HS6ST2: variants seen among roughly 807,000 people sequenced by gnomAD.
HS6ST2 encodes the protein heparan-sulfate 6-O-sulfotransferase 2.
Under a neutral mutation model 33.0 loss-of-function variants are expected in HS6ST2, and 17 were observed. The observed-to-expected ratio is 0.52, with a 90% CI of 0.35 to 0.77. The LOEUF is 0.77. Ranked by LOEUF, HS6ST2 falls within the 30% of genes least tolerant of loss-of-function variation. The pLI, the probability that HS6ST2 is intolerant of heterozygous loss-of-function variation, is 0.01. For missense variants in HS6ST2, 519 were observed against 551.7 expected (o/e 0.94, Z 0.59); for synonymous variants, 248 against 237.1 (o/e 1.05, Z -0.42).
At chrX:132,812,449 T>A (rs866888427) in intron 2 of HS6ST2, among the ~76,000 whole-genome samples, 2 of 84,253 alleles carry the variant, frequency 2.4e-5, no homozygotes, top group African/African-American at 8.4e-5. Context: ...AATAATAAAA[T>A]AATAATAATA....
At position 132,899,786 on chromosome X, in the gene HS6ST2, C is replaced by A. The variant is rs1163412458; in HGVS notation, c.947+57022G>T. Among the ~76,000 whole-genome samples the A allele has an allele frequency of 7.2e-5, 8 of 111,553 alleles. No homozygotes were observed. In the East Asian group the frequency reaches 2.2e-3, roughly 31 times the overall value. On this transcript the variant is annotated intron_variant, in intron 2 of 4. Coordinates refer to ENST00000370833, the MANE Select transcript of HS6ST2 (RefSeq NM_001394073.1). ...AGCCAAAAATAAAAGGAAAAAACCA[C>A]ACCATAGCAAATCATTATCTAAGTA...
At chrX:132,696,259 G>C (rs760152428) in intron 3 of HS6ST2, among the ~76,000 whole-genome samples, 1 of 111,778 alleles carries the variant, frequency 8.9e-6, no homozygotes, top group Non-Finnish European at 1.9e-5. Context: ...TGGCCAGTCT[G>C]TCTGTCTCCA....
rs776629860 is a variant in HS6ST2 at position 132,876,109 on chromosome X, G to C, written c.947+80699C>G. ...TTCCAAAATGCAGGTCTATAATCAG[G>C]TGCTGTGACAAATATGTGCTTGCTT... On this transcript the variant is annotated intron_variant, in intron 2 of 4. Transcript: ENST00000370833. Among the ~76,000 whole-genome samples, 13 of 111,802 alleles carry C rather than the reference G, an allele frequency of 1.2e-4. No homozygotes were observed. The East Asian group carries it at 3.7e-3, about 32-fold the overall frequency.
chrX:132,945,300 A>G (rs1285596721), intron 2 of HS6ST2, among the ~76,000 whole-genome samples: 3 of 112,001 alleles, frequency 2.7e-5, no homozygotes, highest in Admixed American at 9.4e-5. Context: ...CAAAACCACA[A>G]TGAGATACCA....
intron 2 of HS6ST2, among the ~76,000 whole-genome samples, chrX:132,821,313 C>T (rs996416522): frequency 5.7e-5 from 6 of 106,027 alleles, no homozygotes; most frequent in Admixed American, 2.0e-4. Flanking sequence ...CCCGGGTTCA[C>T]GCCATTCTCC....
At chrX:132,922,961 G>A (rs1217783857) in intron 2 of HS6ST2, among the ~76,000 whole-genome samples, 2 of 107,446 alleles carry the variant, frequency 1.9e-5, no homozygotes, top group East Asian at 2.9e-4. Context: ...TAGTTGGGAC[G>A]CTGAGACATG....
intron 2 of HS6ST2, among the ~76,000 whole-genome samples, chrX:132,862,195 C>A (rs2065919009): frequency 8.9e-6 from 1 of 112,082 alleles, no homozygotes; most frequent in South Asian, 3.7e-4. Context: ...ACAAGAACAT[C>A]TATTTTCATA....
intron 4 of HS6ST2, among the ~76,000 whole-genome samples, chrX:132,658,094 C>T (rs938512638): frequency 1.3e-4 from 14 of 110,494 alleles, no homozygotes; most frequent in Admixed American, 7.7e-4. Flanking sequence ...GCCAAAACAG[C>T]GAAACTCTTT....
intron 2 of HS6ST2, among the ~76,000 whole-genome samples, chrX:132,815,992 G>A (rs5930579): frequency 0.37 from 40,429 of 110,641 alleles, 5,866 homozygotes; most frequent in African/African-American, 0.51. Context: ...ATTATATGGT[G>A]TATTTATTAT....
intron 2 of HS6ST2, among the ~76,000 whole-genome samples, chrX:132,876,010 T>A (rs2066105754): frequency 9.0e-6 from 1 of 111,385 alleles, no homozygotes; most frequent in South Asian, 3.8e-4. Flanking sequence ...GTCATTTCAA[T>A]GTGGGAGATT....
rs183096521 is a variant in HS6ST2 at position 132,781,400 on chromosome X, G to A, written c.948-72906C>T. On this transcript the variant is annotated intron_variant, in intron 2 of 4. Coordinates refer to ENST00000370833, the MANE Select transcript of HS6ST2 (RefSeq NM_001394073.1). The stretch of plus-strand genomic sequence containing the variant: ...TGAGCTGGGTCTTCAATGATGAGTT[G>A]AAGGCAGGCCGAGATGGTGAGGGGA... Among the ~76,000 whole-genome samples, 19 of 111,595 alleles carry A rather than the reference G, an allele frequency of 1.7e-4. 1 individual carries two copies. Among genetic ancestry groups the A allele is most frequent in the African/African-American group, 6.2e-4 (19 of 30,689 alleles).
intron 2 of HS6ST2, among the ~76,000 whole-genome samples, chrX:132,810,754 C>T (rs1173379949): frequency 8.9e-6 from 1 of 112,099 alleles, no homozygotes; most frequent in Non-Finnish European, 1.9e-5. Flanking sequence ...CCTGCCACAG[C>T]ACAAAAACAA....
At chrX:132,914,417 T>C (rs1471763690) in intron 2 of HS6ST2, among the ~76,000 whole-genome samples, 2 of 112,745 alleles carry the variant, frequency 1.8e-5, no homozygotes, top group Non-Finnish European at 3.7e-5. Context: ...CTCTGAAGCC[T>C]GTCTGTGTGC....
At chrX:132,831,990 G>A (rs893683701) in intron 2 of HS6ST2, among the ~76,000 whole-genome samples, 6 of 111,673 alleles carry the variant, frequency 5.4e-5, no homozygotes, top group Non-Finnish European at 9.4e-5. Flanking sequence ...GCTACAGGTA[G>A]GCCAAAGAAG....
Position 132,958,250 on chromosome X carries a change from C to T in HS6ST2, c.353G>A (p.Gly118Asp). 8.4e-7 allele frequency: 1 copy of T among 1,187,048 alleles called. No individual in the cohort carries two copies. The highest frequency in any genetic ancestry group is 1.1e-6 in the Non-Finnish European group (1 of 888,659). The stretch of plus-strand genomic sequence containing the variant: ...CAGCGAGTGGCCCAGGGCGGCCAGG[C>T]CCCGAGTGAGCAGGGCCCGGCAGAG... ...GSLCRALLTR[G>D]LAALGHSLKH... The change falls in exon 1 of 5, where the codon GGC (glycine) becomes GAC (aspartate). Residue 118 changes from glycine to aspartate, a missense_variant. Coordinates refer to ENST00000370833, the MANE Select transcript of HS6ST2 (RefSeq NM_001394073.1).
intron 2 of HS6ST2, among the ~76,000 whole-genome samples, chrX:132,731,334 G>C (rs1178661634): frequency 2.7e-5 from 3 of 111,418 alleles, no homozygotes; most frequent in African/African-American, 9.8e-5. Flanking sequence ...TGTAATCACT[G>C]ACTGGGTCCA....
intron 2 of HS6ST2, among the ~76,000 whole-genome samples, chrX:132,808,416 C>T (rs1330520634): frequency 1.8e-5 from 2 of 111,736 alleles, no homozygotes; most frequent in African/African-American, 6.5e-5. Flanking sequence ...TTTTTACATC[C>T]CCAGCCCCAT....
chrX:132,784,777 G>C (rs1454696761), intron 2 of HS6ST2, among the ~76,000 whole-genome samples: 4 of 111,808 alleles, frequency 3.6e-5, no homozygotes, highest in African/African-American at 1.3e-4. Context: ...ACTTCATTTG[G>C]TCGGGCTGGC....
intron 2 of HS6ST2, among the ~76,000 whole-genome samples, chrX:132,910,782 G>C (rs1443592370): frequency 9.0e-6 from 1 of 111,514 alleles, no homozygotes; most frequent in Non-Finnish European, 1.9e-5. Flanking sequence ...CTGGTTCCTT[G>C]CCTTTCGTCC....
Sources: gnomAD v4.1 joint callset for allele counts (sites outside exome capture counted in the v4.1 genomes callset) on GRCh38, gnomAD v4.1.1 for gene constraint, MANE v1.5 for transcripts, NCBI Gene and HGNC (gene_info 2026-07-23, HGNC 2026-07-21) for gene names.